Variants in SOX5 observed in about 807,000 individuals in gnomAD.
The protein encoded by SOX5 is SRY-box transcription factor 5.
SOX5 carries 9 observed loss-of-function variants against 92.0 expected under a neutral mutation model. That is an observed-to-expected ratio of 0.10 (90% confidence interval 0.06 to 0.17). The LOEUF is 0.17. Among genes scored for constraint, SOX5 ranks in the 10% least tolerant of loss-of-function variants. The pLI is 1.00. For missense variants in SOX5, 642 were observed against 944.5 expected (o/e 0.68, Z 4.20); for synonymous variants, 344 against 336.3 (o/e 1.02, Z -0.25).
At chr12:24,338,193 A>T (rs1251216515) in intron 2 of SOX5, among the ~76,000 whole-genome samples, 7 of 152,174 alleles carry the variant, frequency 4.6e-5, no homozygotes, top group African/African-American at 1.7e-4. Context: ...TTTATAAAAA[A>T]TTTATTTTAT....
intron 3 of SOX5, among the ~76,000 whole-genome samples, chr12:24,276,605 A>G (rs962174434): frequency 2.0e-5 from 3 of 152,156 alleles, no homozygotes; most frequent in African/African-American, 7.2e-5. Flanking sequence ...AGGATTTTCA[A>G]CTCTAGATCT....
chr12:24,045,068 C>T (rs182864919), intron 4 of SOX5, among the ~76,000 whole-genome samples: 230 of 152,152 alleles, frequency 1.5e-3, no homozygotes, highest in African/African-American at 5.3e-3. Flanking sequence ...GTCAAATCTC[C>T]CACTAGGAGG....
chr12:24,303,043 G>C (rs1280722389), intron 2 of SOX5, among the ~76,000 whole-genome samples: 1 of 152,070 alleles, frequency 6.6e-6, no homozygotes, highest in Non-Finnish European at 1.5e-5. Flanking sequence ...CCAAAGGAAA[G>C]TGAATACATT....
At chr12:23,546,719 C>T (rs1485981216) in intron 11 of SOX5, among the ~76,000 whole-genome samples, 1 of 152,054 alleles carries the variant, frequency 6.6e-6, no homozygotes, top group Non-Finnish European at 1.5e-5. Flanking sequence ...AAAATGTGCA[C>T]AGAAATTTCA....
chr12:23,736,150 A>G (rs999143235), intron 5 of SOX5, among the ~76,000 whole-genome samples: 4 of 151,190 alleles, frequency 2.6e-5, no homozygotes, highest in Non-Finnish European at 5.9e-5. Context: ...AGTCACTAAC[A>G]TTTTTATTAA....
At chr12:24,547,808 T>C (rs1381496043) in intron 1 of SOX5, among the ~76,000 whole-genome samples, 35 of 152,236 alleles carry the variant, frequency 2.3e-4, no homozygotes, top group Admixed American at 2.3e-3. Context: ...TTTCTGTTAC[T>C]AGCTCCCCTA....
rs139495125 is a variant in SOX5 at position 23,701,354 on chromosome 12, A to AT, written c.810+33329dup. On this transcript the variant is annotated intron_variant, in intron 6 of 14. Transcript: ENST00000451604. ...AATTGGAATTCTGAGGTTTCTTGAA[A>AT]TTTTTTTTTTAATAAAAAGGATCCT... Among the ~76,000 whole-genome samples the AT allele has an allele frequency of 8.5e-4, 127 of 150,000 alleles. 3 individuals are homozygous for AT. The highest frequency in any genetic ancestry group is 5.0e-3 in the Admixed American group (75 of 15,024).
chr12:24,269,839 ATTTTTT>A (rs56939628), intron 3 of SOX5, among the ~76,000 whole-genome samples: 2 of 62,096 alleles, frequency 3.2e-5, no homozygotes, highest in African/African-American at 5.6e-5. Flanking sequence ...CCACCATGCA[ATTTTTT>A]TTTTTTTTTT....
At chr12:24,416,125 G>C (rs1270268817) in intron 1 of SOX5, among the ~76,000 whole-genome samples, 2 of 152,218 alleles carry the variant, frequency 1.3e-5, no homozygotes, top group African/African-American at 2.4e-5. Context: ...CTGAAGAACA[G>C]GCCCTGCTGG....
At chr12:23,667,779 G>C (rs2084060642) in intron 6 of SOX5, among the ~76,000 whole-genome samples, 1 of 152,174 alleles carries the variant, frequency 6.6e-6, no homozygotes, top group Non-Finnish European at 1.5e-5. Flanking sequence ...GTTTTTATTA[G>C]ACCATCATAG....
At chr12:24,376,920 A>C (rs1484242953) in intron 1 of SOX5, among the ~76,000 whole-genome samples, 1 of 147,040 alleles carries the variant, frequency 6.8e-6, no homozygotes, top group Non-Finnish European at 1.5e-5. Flanking sequence ...CATGTTGCCC[A>C]GGCTGGTTTT....
At chr12:24,163,610 G>A (rs533716838) in intron 4 of SOX5, among the ~76,000 whole-genome samples, 1 of 145,610 alleles carries the variant, frequency 6.9e-6, no homozygotes, top group South Asian at 2.2e-4. Context: ...AGAATACGAG[G>A]ATTCTATCAG....
At chr12:24,040,135 T>C (rs769871566) in intron 4 of SOX5, among the ~76,000 whole-genome samples, 5 of 152,186 alleles carry the variant, frequency 3.3e-5, no homozygotes, top group Non-Finnish European at 5.9e-5. Flanking sequence ...GAAGATAATG[T>C]TCCTAGGAAC....
chr12:23,760,260 T>A lies in SOX5; in HGVS notation c.482-4536A>T, dbSNP rs192165760. ...ATTTTGCAGATGAGGAAACTAAGGC[T>A]CAGAAAGATGCTTTGCCCAACATCA... is the stretch of plus-strand genomic sequence containing the variant. On this transcript the variant is annotated intron_variant, in intron 3 of 14. Transcript: ENST00000451604. 2.2e-3 allele frequency among the ~76,000 whole-genome samples: 331 copies of A among 152,174 alleles called. 9 individuals carry two copies. In the South Asian group the frequency reaches 0.025, roughly 12 times the overall value.
chr12:24,084,033 A>G (rs1252290674), intron 4 of SOX5, among the ~76,000 whole-genome samples: 1 of 152,002 alleles, frequency 6.6e-6, no homozygotes, highest in Admixed American at 6.6e-5. Context: ...GTGCAAGAGG[A>G]AAGGAGGAAA....
intron 4 of SOX5, among the ~76,000 whole-genome samples, chr12:23,976,940 GAAA>G (rs1231184654): frequency 6.6e-6 from 1 of 151,834 alleles, no homozygotes; most frequent in Non-Finnish European, 1.5e-5. Flanking sequence ...GGGAAAGGAG[GAAA>G]GAAAGTAAAA....
intron 2 of SOX5, among the ~76,000 whole-genome samples, chr12:24,358,147 G>A (rs1167064650): frequency 1.3e-5 from 2 of 152,138 alleles, no homozygotes; most frequent in Non-Finnish European, 2.9e-5. Flanking sequence ...TCTACAGGAT[G>A]GTTTTCTGAG....
chr12:23,609,992 G>A (rs563345430), intron 8 of SOX5, among the ~76,000 whole-genome samples: 1 of 152,106 alleles, frequency 6.6e-6, no homozygotes, highest in African/African-American at 2.4e-5. Context: ...CCCACTATGG[G>A]GCTAGAAAAG....
At chr12:24,295,547 T>C in intron 2 of SOX5, among the ~76,000 whole-genome samples, 1 of 152,098 alleles carries the variant, frequency 6.6e-6, no homozygotes, top group East Asian at 1.9e-4. Context: ...ACTAAAACTG[T>C]TTTTTTGAAG....
Sources: gnomAD v4.1 joint callset for allele counts (sites outside exome capture counted in the v4.1 genomes callset) on GRCh38, gnomAD v4.1.1 for gene constraint, MANE v1.5 for transcripts, NCBI Gene and HGNC (gene_info 2026-07-23, HGNC 2026-07-21) for gene names.